Variants in AARS2 observed in about 807,000 individuals in gnomAD.
AARS2 encodes alanyl-tRNA synthetase 2, mitochondrial, also known as alanine--tRNA ligase, mitochondrial.
A neutral mutation model predicts 119.7 loss-of-function variants in AARS2; 78 were observed. The observed-to-expected ratio is 0.65, with a 90% CI of 0.54 to 0.79. The LOEUF (loss-of-function observed/expected upper bound fraction) is 0.79, where lower values mean the gene tolerates loss of function less well. Ranked by LOEUF, AARS2 falls within the 30% of genes least tolerant of loss-of-function variation. The probability of loss-of-function intolerance (pLI) is 0.00; values close to 1 mark genes in which losing one functional copy is unlikely to be tolerated. For missense variants in AARS2, 1,157 were observed against 1,291.3 expected (o/e 0.90, Z 1.59); for synonymous variants, 502 against 526.3 (o/e 0.95, Z 0.63).
chr6:44,305,284 G>T lies in AARS2; in HGVS notation c.1435-86C>A, dbSNP rs1446680345. On this transcript the variant is annotated intron_variant, in intron 10 of 21. Coordinates refer to ENST00000244571, the MANE Select transcript of AARS2 (RefSeq NM_020745.4). This position sits in a 1 kb window ranked among gnomAD's most constrained non-coding sequence, Gnocchi z 4.6. ...TTCAGCCTCGCAGGGCCCTGTCCCT[G>T]CCACACAGCTGTGGACTCTGCAGCC... 1 of 1,572,920 alleles carries T rather than the reference G, an allele frequency of 6.4e-7. No homozygotes were observed. The highest frequency in any genetic ancestry group is 1.7e-5 in the Admixed American group (1 of 59,798).
At position 44,303,298 on chromosome 6, in the gene AARS2, G is replaced by A. The variant is rs1391642356; in HGVS notation, c.2133C>T (p.Arg711=). The A allele has an allele frequency of 4.3e-6, 7 of 1,614,028 alleles. No individual in the cohort carries two copies. In the African/African-American group the frequency reaches 9.3e-5, roughly 22 times the overall value. ...LALTAQVPGL[R]SLDEVYPDPV... is the part of the protein sequence containing the mutation. ...TTCCCCAACTCACCTCATCCAGAGAGCGCAGGCCAGGGACCTGGGCAGTGA... is the reference window on the plus strand; with the variant it reads ...TTCCCCAACTCACCTCATCCAGAGAACGCAGGCCAGGGACCTGGGCAGTGA... Residue 711 remains arginine, a synonymous_variant, in exon 15 of 22, where the codon CGC becomes CGT. Coordinates refer to ENST00000244571, the MANE Select transcript of AARS2 (RefSeq NM_020745.4).
rs754955440 is a variant in AARS2 at position 44,311,031 on chromosome 6, C to A, written c.712G>T (p.Val238Leu). 8.7e-6 allele frequency: 14 copies of A among 1,614,032 alleles called. No individual in the cohort carries two copies. The highest frequency in any genetic ancestry group is 1.2e-5 in the Non-Finnish European group (14 of 1,180,036). ...LAGGVGAPQL[V>L]ELWNLVFMQH... ...ATGAAGACCAGGTTCCAAAGCTCTA[C>A]CAGCTGGGGGGCTCCCACCCCACCA... is the stretch of plus-strand genomic sequence containing the variant. The change falls in exon 4 of 22, where the codon GTA (valine) becomes TTA (leucine). Residue 238 changes from valine (V) to leucine (L), a missense_variant. Val to Leu is a conservative substitution (Grantham distance 32). Transcript: ENST00000244571.
In AARS2 at chr6:44,301,451, G is replaced by GT. The variant is rs749666514; in HGVS notation, c.2611dup (p.Thr871AsnfsTer21). The GT allele has an allele frequency of 2.4e-5, 38 of 1,610,670 alleles. No homozygotes were observed. Among genetic ancestry groups the GT allele is most frequent in the South Asian group, 9.9e-5 (9 of 91,004 alleles). On this transcript the variant is annotated frameshift_variant, in exon 20 of 22. Coordinates refer to ENST00000244571, the MANE Select transcript of AARS2 (RefSeq NM_020745.4). LOFTEE classifies it high-confidence loss of function. ...CGAGTGCCGCTCCAGCAGCTCCTGA[G>GT]TTTTCTTTGCAGCCTATGGGGCAGG... is the stretch of plus-strand genomic sequence containing the variant.
chr6:44,300,649 GCCC>G lies in AARS2; in HGVS notation c.2853_2855del (p.Gly952del), dbSNP rs1275785753. 7 of 1,613,774 alleles carry G rather than the reference GCCC, an allele frequency of 4.3e-6. No homozygotes were observed. In the South Asian group the frequency reaches 7.7e-5, roughly 18 times the overall value. On this transcript the variant is annotated inframe_deletion, in exon 22 of 22. Coordinates refer to ENST00000244571, the MANE Select transcript of AARS2 (RefSeq NM_020745.4). ...CCACCACTCGTGAGCCCCACGCCTT[GCCC>G]CCCATGTGGCTGCACACTGCCAGTG...
rs1339212462 is a variant in AARS2 at position 44,307,935 on chromosome 6, ACCTCTCTCT to A, written c.895-550_895-542del. ...GGGAGCTTGATTCACTTACCACCAA[ACCTCTCTCT>A]TCCCCAAGCTTCTTCGTCTAACAGT... is the stretch of plus-strand genomic sequence containing the variant. On this transcript the variant is annotated intron_variant, in intron 5 of 21. Coordinates refer to ENST00000244571, the MANE Select transcript of AARS2 (RefSeq NM_020745.4). This position sits in a 1 kb window ranked among gnomAD's most constrained non-coding sequence, Gnocchi z 4.4. 1.1e-4 allele frequency among the ~76,000 whole-genome samples: 17 copies of A among 151,874 alleles called. 1 individual carries two copies. In the South Asian group the frequency reaches 3.5e-3, roughly 32 times the overall value.
chr6:44,307,325 G>A lies in AARS2; in HGVS notation c.964C>T (p.Arg322Cys), dbSNP rs767748655. The A allele has an allele frequency of 6.2e-6, 10 of 1,613,192 alleles. No individual in the cohort carries two copies. Among genetic ancestry groups the A allele is most frequent in the African/African-American group, 4.0e-5 (3 of 74,896 alleles). The change falls in exon 6 of 22, where the codon CGC becomes TGC. Residue 322 changes from arginine (R) to cysteine (C), a missense_variant. Arg to Cys is a radical substitution (Grantham distance 180). Transcript: ENST00000244571. The surrounding 1 kb of genome is among the most constrained non-coding windows in gnomAD (Gnocchi z 4.4). ...ADEGRTDTAY[R>C]VVADHIRTLS... Reference sequence around the variant, plus strand: ...GTGCGGATGTGGTCAGCCACCACGCGGTACGCTGTGTCTGTGCGCCCCTCG... The same window carrying A: ...GTGCGGATGTGGTCAGCCACCACGCAGTACGCTGTGTCTGTGCGCCCCTCG...
chr6:44,306,379 C>G lies in AARS2; in HGVS notation c.1201G>C (p.Val401Leu). The G allele has an allele frequency of 6.2e-7, 1 of 1,614,074 alleles. No individual in the cohort carries two copies. Among genetic ancestry groups the G allele is most frequent in the Non-Finnish European group, 8.5e-7 (1 of 1,180,012 alleles). The change falls in exon 9 of 22, where the codon GTG becomes CTG. Residue 401 changes from valine to leucine, a missense_variant. Transcript: ENST00000244571. The part of the protein sequence containing the change: ...QRNSAQIANL[V>L]SEDEAAFLAS... Reference sequence around the variant, plus strand: ...AGGAAGGCTGCCTCGTCCTCTGACACCAGGTTGGCGATCTGAACCAGGCAG... The same window carrying G: ...AGGAAGGCTGCCTCGTCCTCTGACAGCAGGTTGGCGATCTGAACCAGGCAG...
rs1785522022 is a variant in AARS2 at position 44,303,283 on chromosome 6, C to T, written c.2145+3G>A. ...CTCCAGCAAAAGGGCTTCCCCAACT[C>T]ACCTCATCCAGAGAGCGCAGGCCAG... On this transcript the variant is annotated splice_donor_region_variant and intron_variant, in intron 15 of 21. Transcript: ENST00000244571. The T allele has an allele frequency of 1.2e-6, 2 of 1,614,038 alleles. No individual in the cohort carries two copies. The highest frequency in any genetic ancestry group is 1.7e-5 in the Admixed American group (1 of 60,010).
chr6:44,300,849 T>A (rs1484716635), intron 21 of AARS2, 138 bp from the exon 22 acceptor site: 1 of 1,144,272 alleles, frequency 8.7e-7, no homozygotes, highest in Non-Finnish European at 1.3e-6. Context: ...AGTCAGGTGA[T>A]GAGCCGGAGA....
Position 44,300,544 on chromosome 6 carries a change from G to A in AARS2, c.*3C>T, listed in dbSNP as rs1167363640. 6.2e-7 allele frequency: 1 copy of A among 1,613,990 alleles called. No homozygotes were observed. The highest frequency in any genetic ancestry group is 1.1e-5 in the South Asian group (1 of 91,088). Reference sequence around the variant, plus strand: ...TCCATGTGGGTCCCTGGGCGGACCTGGGTCAGAGCTGGCTGAGGGCATAGG... The same window carrying A: ...TCCATGTGGGTCCCTGGGCGGACCTAGGTCAGAGCTGGCTGAGGGCATAGG... On this transcript the variant is annotated 3_prime_UTR_variant, in exon 22 of 22. Transcript: ENST00000244571.
At chr6:44,312,987 C>G in intron 1 of AARS2, 94 bp downstream of exon 1, 1 of 1,564,768 alleles carries the variant, frequency 6.4e-7, no homozygotes, top group Non-Finnish European at 8.7e-7. Flanking sequence ...AAGCTACGAA[C>G]TCCGCCTCTC....
At position 44,301,384 on chromosome 6, in the gene AARS2, G is replaced by C. The variant is rs766642839; in HGVS notation, c.2679C>G (p.Leu893=). 8.1e-6 allele frequency: 13 copies of C among 1,613,974 alleles called. No homozygotes were observed. In the South Asian group the frequency reaches 1.4e-4, roughly 18 times the overall value. Residue 893 remains leucine, a synonymous_variant, in exon 20 of 22, where the codon CTC becomes CTG. Coordinates refer to ENST00000244571, the MANE Select transcript of AARS2 (RefSeq NM_020745.4). ...LIVDTVSAES[L]SVLVKVVRQL... ...GCCCGGCTTGGCTAGCACTCACTGA[G>C]AGAGACTCAGCAGAGACTGTGTCCA...
In AARS2 at chr6:44,302,883, C is replaced by A. The variant is rs761550766; in HGVS notation, c.2283G>T (p.Gly761=). 13 of 1,614,046 alleles carry A rather than the reference C, an allele frequency of 8.1e-6. No individual in the cohort carries two copies. In the Admixed American group the frequency reaches 2.2e-4, roughly 27 times the overall value. Residue 761 remains glycine, a synonymous_variant, in exon 17 of 22, where the codon GGG becomes GGT. Transcript: ENST00000244571. The part of the protein sequence containing the change: ...GTHLLRTGAV[G]DLVIIGDRQL... ...GGCGGTCCCCGATGATAACCAGGTC[C>A]CCTACAGCCCCAGTACGTAACAGGT... is the stretch of plus-strand genomic sequence containing the variant.
Position 44,305,166 on chromosome 6 carries a change from C to A in AARS2, c.1467G>T (p.Lys489Asn). The A allele has an allele frequency of 6.2e-7, 1 of 1,613,420 alleles. No individual in the cohort carries two copies. The highest frequency in any genetic ancestry group is 1.1e-5 in the South Asian group (1 of 91,052). The part of the protein sequence containing the change: ...HRARQAEPVQ[K>N]QGLWLDVHAL... ...CATGGACATCAAGCCACAATCCCTG[C>A]TTCTGAACTGGCTCAGCCTGCCGTG... Residue 489 changes from lysine to asparagine, a missense_variant, in exon 11 of 22, where the codon AAG becomes AAT. Coordinates refer to ENST00000244571, the MANE Select transcript of AARS2 (RefSeq NM_020745.4). The surrounding 1 kb of genome is among the most constrained non-coding windows in gnomAD (Gnocchi z 4.6).
rs2153354062 is a variant in AARS2 at position 44,303,131 on chromosome 6, C to T, written c.2190G>A (p.Val730=). 12 of 1,614,134 alleles carry T rather than the reference C, an allele frequency of 7.4e-6. No individual in the cohort carries two copies. The highest frequency in any genetic ancestry group is 9.3e-6 in the Non-Finnish European group (11 of 1,180,032). The change falls in exon 16 of 22, where the codon GTG becomes GTA. Residue 730 remains valine (V), a synonymous_variant. Coordinates refer to ENST00000244571, the MANE Select transcript of AARS2 (RefSeq NM_020745.4). ...PVRVVSVGVP[V]AHALDPASQA... ...GGGAGGCTGGGTCCAATGCATGGGC[C>T]ACGGGCACCCCCACTGATACCACCC...
At chr6:44,308,420 T>C (rs1325603301) in intron 5 of AARS2, among the ~76,000 whole-genome samples, 1 of 151,694 alleles carries the variant, frequency 6.6e-6, no homozygotes, top group East Asian at 2.0e-4. Context: ...GTGCCTGTAA[T>C]CCCAGCTACT....
At chr6:44,304,975 T>C (rs1785709964) in intron 11 of AARS2, 79 bp downstream of exon 11, 9 of 1,612,368 alleles carry the variant, frequency 5.6e-6, no homozygotes, top group South Asian at 2.2e-5. Context: ...ACATAGGGGC[T>C]AGCAGCAACC....
At chr6:44,303,010 AG>A (rs951180412) in intron 16 of AARS2, 55 bp downstream of exon 16, 8 of 1,607,830 alleles carry the variant, frequency 5.0e-6, no homozygotes, top group African/African-American at 2.7e-5. Context: ...CCAAAGACCA[AG>A]GGAAGGGCAA....
intron 7 of AARS2, 113 bp downstream of exon 7, chr6:44,306,810 T>A (rs893189274): frequency 9.9e-7 from 1 of 1,013,982 alleles, no homozygotes; most frequent in African/African-American, 1.6e-5. Flanking sequence ...CTGGGCTCGA[T>A]ATTTAGGGTG....
Sources: gnomAD v4.1 joint callset for allele counts (sites outside exome capture counted in the v4.1 genomes callset) on GRCh38, gnomAD v4.1.1 for gene constraint, Gnocchi (gnomAD v3.1) non-coding constraint, MANE v1.5 for transcripts, NCBI Gene and HGNC (gene_info 2026-07-23, HGNC 2026-07-21) for gene names.